The following XAB2 variants were observed in gnomAD, a reference collection of about 807,000 sequenced individuals.
XAB2 encodes XPA binding protein 2.
XAB2 carries 57 observed loss-of-function variants against 113.4 expected under a neutral mutation model. The observed-to-expected ratio is 0.50, with a 90% CI of 0.41 to 0.63. The LOEUF (loss-of-function observed/expected upper bound fraction) is 0.63. Among genes scored for constraint, XAB2 ranks in the 20% least tolerant of loss-of-function variants. The pLI is 0.00. For missense variants in XAB2, 1,037 were observed against 1,233.3 expected, an observed-to-expected ratio of 0.84 and a Z score of 2.38; for synonymous variants, 497 against 498.8, an observed-to-expected ratio of 1.00 and a Z score of 0.05.
In XAB2 at chr19:7,628,281, G is replaced by C; in HGVS notation, c.69C>G (p.Pro23=). ...PDLVFEEEDL[P]YEEEIMRNQF... is the part of the protein sequence containing the mutation. ...GGTTCCGCATGATTTCCTCCTCATA[G>C]GGGAGGTCCTCTTCCTCCTGCCAGG... Residue 23 remains proline (P), a synonymous_variant, in exon 2 of 19, where the codon CCC becomes CCG. Coordinates refer to ENST00000358368, the MANE Select transcript of XAB2 (RefSeq NM_020196.3). This position sits in a 1 kb window ranked among gnomAD's most constrained non-coding sequence, Gnocchi z 4.6. The C allele has an allele frequency of 1.2e-6, 2 of 1,614,066 alleles. No individual in the cohort carries two copies. The highest frequency in any genetic ancestry group is 1.1e-5 in the South Asian group (1 of 91,076).
chr19:7,621,973 T>G, intron 12 of XAB2: 1 of 231,252 alleles, frequency 4.3e-6, no homozygotes, highest in Non-Finnish European at 8.6e-6. Flanking sequence ...CGTTTGAAGA[T>G]GAGATCACTA....
chr19:7,621,230 G>T lies in XAB2; in HGVS notation c.1685C>A (p.Thr562Asn). 9.9e-6 allele frequency: 16 copies of T among 1,613,190 alleles called. No individual in the cohort carries two copies. Among genetic ancestry groups the T allele is most frequent in the Non-Finnish European group, 1.4e-5 (16 of 1,179,996 alleles). Reference protein sequence around the residue: ...NVSDIWSTYLTKFIARYGGRK... With the variant: ...NVSDIWSTYLNKFIARYGGRK... The stretch of plus-strand genomic sequence containing the variant: ...GCCCCCATAGCGGGCAATGAATTTG[G>T]TCAGGTAGGTGCTCCAGATGTCGGA... Residue 562 changes from threonine to asparagine, a missense_variant, in exon 13 of 19, where the codon ACC (threonine) becomes AAC (asparagine). Transcript: ENST00000358368.
At chr19:7,620,511 C>T (rs778503828) in intron 15 of XAB2, 36 bp downstream of exon 15, 2 of 1,612,668 alleles carry the variant, frequency 1.2e-6, no homozygotes, top group Non-Finnish European at 1.7e-6. Flanking sequence ...CGCCGCAGCC[C>T]CCAACCCTGA....
Position 7,627,980 on chromosome 19 carries a change from AGGGACAGACT to A in XAB2, c.201-139_201-130del. On this transcript the variant is annotated intron_variant, in intron 2 of 18. Coordinates refer to ENST00000358368, the MANE Select transcript of XAB2 (RefSeq NM_020196.3). This position sits in a 1 kb window ranked among gnomAD's most constrained non-coding sequence, Gnocchi z 4.5. ...AGGGGTGACATGTCTCAGCAATGACAGGGACAGACTGGGACATCAGAGAAGGTGTGCTGAC... is the reference window on the plus strand; with the variant it reads ...AGGGGTGACATGTCTCAGCAATGACAGGGACATCAGAGAAGGTGTGCTGAC... The A allele has an allele frequency of 6.7e-7, 1 of 1,498,008 alleles. No individual in the cohort carries two copies. The highest frequency in any genetic ancestry group is 9.0e-7 in the Non-Finnish European group (1 of 1,107,854). 92.8% of individuals were successfully genotyped at this position (1,498,008 alleles called of 1,614,324 possible). A position where few individuals can be genotyped will look rare whatever the true frequency, so the allele number is the denominator to read the frequency against.
In XAB2 at chr19:7,627,660, T is replaced by TACCCCCCCC; in HGVS notation, c.324+67_324+68insGGGGGGGGT. ...CCTAACATGCTGAGCCCAGCCCCTG[T>TACCCCCCCC]CCCCGCCCCACCCACCACCATGGAC... is the stretch of plus-strand genomic sequence containing the variant. On this transcript the variant is annotated intron_variant, in intron 3 of 18. Transcript: ENST00000358368. This position sits in a 1 kb window ranked among gnomAD's most constrained non-coding sequence, Gnocchi z 4.5. 6.4e-7 allele frequency: 1 copy of TACCCCCCCC among 1,572,306 alleles called. No individual in the cohort carries two copies. The highest frequency in any genetic ancestry group is 8.7e-7 in the Non-Finnish European group (1 of 1,148,014).
chr19:7,621,310 G>A lies in XAB2; in HGVS notation c.1618-13C>T. 4.3e-6 allele frequency: 7 copies of A among 1,611,436 alleles called. No homozygotes were observed. The highest frequency in any genetic ancestry group is 1.3e-5 in the African/African-American group (1 of 75,020). On this transcript the variant is annotated splice_polypyrimidine_tract_variant and intron_variant, in intron 12 of 18. Coordinates refer to ENST00000358368, the MANE Select transcript of XAB2 (RefSeq NM_020196.3). ...CGCGCTCGTACGCCTGTTACCAGAG[G>A]GAGAGTCACATGTGAGAGTCTGCAG...
rs2031009449 is a variant in XAB2, at chr19:7,620,564, G to A, written c.2077C>T (p.Gln693Ter). ...RARAIYSFCS[Q>*]ICDPRTTGAF... Reference sequence around the variant, plus strand: ...AGCCCTACCCGGGGGTCACAGATCTGGGAGCAGAAGCTGTAGATGGCCCGG... The same window carrying A: ...AGCCCTACCCGGGGGTCACAGATCTAGGAGCAGAAGCTGTAGATGGCCCGG... Residue 693 changes from glutamine to a stop codon, truncating the protein, a stop_gained, in exon 15 of 19, where the codon CAG (glutamine) becomes TAG (stop). Transcript: ENST00000358368. LOFTEE classifies it high-confidence loss of function. The A allele has an allele frequency of 1.2e-6, 2 of 1,613,296 alleles. No homozygotes were observed. Among genetic ancestry groups the A allele is most frequent in the Admixed American group, 1.7e-5 (1 of 60,004 alleles).
rs1599374001 is a variant in XAB2, at chr19:7,627,158, G to A, written c.522+85C>T. On this transcript the variant is annotated intron_variant, in intron 4 of 18. Coordinates refer to ENST00000358368, the MANE Select transcript of XAB2 (RefSeq NM_020196.3). The surrounding 1 kb of genome is among the most constrained non-coding windows in gnomAD (Gnocchi z 4.5). ...AGCCTCTTCCCACATCCCGTCTGCT[G>A]GGTGACATCCTACGCGGAGCTAGTG... is the stretch of plus-strand genomic sequence containing the variant. The A allele has an allele frequency of 6.8e-7, 1 of 1,467,134 alleles. No individual in the cohort carries two copies. Among genetic ancestry groups the A allele is most frequent in the Non-Finnish European group, 9.4e-7 (1 of 1,068,096 alleles). The allele number at this position is 1,467,134 out of a possible 1,614,324, so 90.9% of individuals were successfully genotyped here.
chr19:7,624,107 T>C lies in XAB2; in HGVS notation c.967+194A>G, dbSNP rs2031091403. On this transcript the variant is annotated intron_variant, in intron 7 of 18. Transcript: ENST00000358368. The surrounding 1 kb of genome is among the most constrained non-coding windows in gnomAD (Gnocchi z 4.2). ...CCCTAGCCCTCCTGCCCTGCCAGGC[T>C]CTGGCCCAGGCCTGAGAAGTGTCCC... Among the ~76,000 whole-genome samples, 2 of 134,248 alleles carry C rather than the reference T, an allele frequency of 1.5e-5. No homozygotes were observed. Among genetic ancestry groups the C allele is most frequent in the African/African-American group, 5.7e-5 (2 of 34,942 alleles). 88.1% of individuals were successfully genotyped at this position (134,248 alleles called of 152,430 possible). A position where few individuals can be genotyped will look rare whatever the true frequency, so the allele number is the denominator to read the frequency against.
In XAB2 at chr19:7,623,925, T is replaced by A; in HGVS notation, c.968-43A>T. Reference sequence around the variant, plus strand: ...GTTTGTCAGGGGCGGAGACCCAGGATGCAGGTCCCCGGATGCCACCGCCTC... The same window carrying A: ...GTTTGTCAGGGGCGGAGACCCAGGAAGCAGGTCCCCGGATGCCACCGCCTC... On this transcript the variant is annotated intron_variant, in intron 7 of 18. Coordinates refer to ENST00000358368, the MANE Select transcript of XAB2 (RefSeq NM_020196.3). The surrounding 1 kb of genome is among the most constrained non-coding windows in gnomAD (Gnocchi z 4.6). 1 of 1,501,000 alleles carries A rather than the reference T, an allele frequency of 6.7e-7. No individual in the cohort carries two copies. The highest frequency in any genetic ancestry group is 8.9e-7 in the Non-Finnish European group (1 of 1,126,872). 93.0% of individuals were successfully genotyped at this position (1,501,000 alleles called of 1,614,324 possible). A position where few individuals can be genotyped will look rare whatever the true frequency, so the allele number is the denominator to read the frequency against.
rs4134809 is a variant in XAB2, at chr19:7,629,507, G to A, written c.21C>T (p.Leu7=). The A allele has an allele frequency of 0.34, 547,850 of 1,602,812 alleles. 96,116 individuals carry two copies. Among genetic ancestry groups the A allele is most frequent in the Non-Finnish European group, 0.37 (429,505 of 1,174,600 alleles). The change falls in exon 1 of 19, where the codon CTC becomes CTT. Residue 7 remains leucine (L), a synonymous_variant. Coordinates refer to ENST00000358368, the MANE Select transcript of XAB2 (RefSeq NM_020196.3). The part of the protein sequence containing the change: MVVMAR[L]SRPERPDLVF... ...CAAGGTCCGGCCGCTCGGGCCGCGA[G>A]AGTCGCGCCATCACCACCATTTTTC...
At position 7,628,786 on chromosome 19, in the gene XAB2, T is replaced by TGAATCTGGAC. The variant is rs547131020; in HGVS notation, c.52-489_52-488insGTCCAGATTC. ...AGATCTTTACCCCAGCCACCAGGGC[T>TGAATCTGGAC]CTCAGGTCCAGATTCCAAGCCACTA... On this transcript the variant is annotated intron_variant, in intron 1 of 18. Transcript: ENST00000358368. This position sits in a 1 kb window ranked among gnomAD's most constrained non-coding sequence, Gnocchi z 4.6. Among the ~76,000 whole-genome samples, 19 of 152,162 alleles carry TGAATCTGGAC rather than the reference T, an allele frequency of 1.2e-4. No homozygotes were observed. The East Asian group carries it at 3.5e-3, about 28-fold the overall frequency.
In XAB2 at chr19:7,625,691, C is replaced by A. The variant is rs963018942; in HGVS notation, c.822+189G>T. Reference sequence around the variant, plus strand: ...ATGGGGTTTCACCATGTTGGCCAGGCTGGTCTTGAACTGCTGACCTCAAGT... The same window carrying A: ...ATGGGGTTTCACCATGTTGGCCAGGATGGTCTTGAACTGCTGACCTCAAGT... On this transcript the variant is annotated intron_variant, in intron 6 of 18. Transcript: ENST00000358368. This position sits in a 1 kb window ranked among gnomAD's most constrained non-coding sequence, Gnocchi z 5.2. 3.9e-5 allele frequency among the ~76,000 whole-genome samples: 6 copies of A among 152,064 alleles called. No homozygotes were observed. Among genetic ancestry groups the A allele is most frequent in the Non-Finnish European group, 7.4e-5 (5 of 68,008 alleles).
rs1416274142 is a variant in XAB2, at chr19:7,623,815, G to A, written c.1035C>T (p.Leu345=). 6.2e-7 allele frequency: 1 copy of A among 1,611,718 alleles called. No individual in the cohort carries two copies. Among genetic ancestry groups the A allele is most frequent in the East Asian group, 2.2e-5 (1 of 44,884 alleles). ...GGTTTTGGCGCAGCAAGACGCTGTT[G>A]AGGAGCAGGGGCCGCCGGCTGATGA... ...EQLISRRPLL[L]NSVLLRQNPH... is the part of the protein sequence containing the mutation. The change falls in exon 8 of 19, where the codon CTC becomes CTT. Residue 345 remains leucine, a synonymous_variant. Transcript: ENST00000358368. This position sits in a 1 kb window ranked among gnomAD's most constrained non-coding sequence, Gnocchi z 4.6.
At position 7,623,909 on chromosome 19, in the gene XAB2, G is replaced by A; in HGVS notation, c.968-27C>T. The A allele has an allele frequency of 6.6e-7, 1 of 1,525,624 alleles. No homozygotes were observed. Among genetic ancestry groups the A allele is most frequent in the East Asian group, 2.4e-5 (1 of 41,258 alleles). 94.5% of individuals were successfully genotyped at this position (1,525,624 alleles called of 1,614,324 possible). ...TGGGAGCCGCGAACATGTTTGTCAG[G>A]GGCGGAGACCCAGGATGCAGGTCCC... On this transcript the variant is annotated intron_variant, in intron 7 of 18. Transcript: ENST00000358368. The surrounding 1 kb of genome is among the most constrained non-coding windows in gnomAD (Gnocchi z 4.6).
chr19:7,627,483 C>T lies in XAB2; in HGVS notation c.325-43G>A. On this transcript the variant is annotated intron_variant, in intron 3 of 18. Transcript: ENST00000358368. This position sits in a 1 kb window ranked among gnomAD's most constrained non-coding sequence, Gnocchi z 4.5. The stretch of plus-strand genomic sequence containing the variant: ...GGCGGCTGGGGCTAAGCCACGGACT[C>T]CATGGCCTGGCCACAGACACTCGAT... The T allele has an allele frequency of 1.3e-6, 2 of 1,578,018 alleles. No homozygotes were observed. Among genetic ancestry groups the T allele is most frequent in the South Asian group, 2.3e-5 (2 of 88,300 alleles).
Position 7,620,533 on chromosome 19 carries a change from C to T in XAB2, c.2094+14G>A, listed in dbSNP as rs1038500272. ...GCCCCCAACCCTGATACCCGTCCCT[C>T]CCCACAGCCCTACCCGGGGGTCACA... On this transcript the variant is annotated intron_variant, in intron 15 of 18. Coordinates refer to ENST00000358368, the MANE Select transcript of XAB2 (RefSeq NM_020196.3). 7.4e-6 allele frequency: 12 copies of T among 1,613,106 alleles called. No homozygotes were observed. Among genetic ancestry groups the T allele is most frequent in the Non-Finnish European group, 1.0e-5 (12 of 1,179,886 alleles).
At position 7,627,243 on chromosome 19, in the gene XAB2, CTTG is replaced by C; in HGVS notation, c.519_521del (p.Lys174del). ...GAACCAGCGCACCTGCTAGGCTCAC[CTTG>C]AGGAAGCGCCGATAGCCTCGCACAG... is the stretch of plus-strand genomic sequence containing the variant. On this transcript the variant is annotated inframe_deletion and splice_region_variant, in exon 4 of 19. Coordinates refer to ENST00000358368, the MANE Select transcript of XAB2 (RefSeq NM_020196.3). This position sits in a 1 kb window ranked among gnomAD's most constrained non-coding sequence, Gnocchi z 4.5. The C allele has an allele frequency of 6.2e-7, 1 of 1,612,252 alleles. No individual in the cohort carries two copies. The highest frequency in any genetic ancestry group is 8.5e-7 in the Non-Finnish European group (1 of 1,179,936).
intron 13 of XAB2, 41 bp downstream of exon 13, chr19:7,621,094 A>AAACCCCCCCCCCCCCCCCCCCCAC: frequency 6.7e-7 from 1 of 1,494,484 alleles, no homozygotes; most frequent in South Asian, 1.2e-5. Flanking sequence ...TCAGAAACCC[A>AAACCCCCCCCCCCCCCCCCCCCAC]GCCCGCCCGC....
Sources: allele counts gnomAD v4.1 joint callset (sites outside exome capture counted in the v4.1 genomes callset), GRCh38; gene constraint gnomAD v4.1.1; non-coding constraint Gnocchi (gnomAD v3.1); transcripts MANE v1.5; gene names NCBI Gene and HGNC (gene_info 2026-07-23, HGNC 2026-07-21).